Variants in SSR2 observed in about 807,000 individuals in gnomAD.
SSR2 encodes the protein signal sequence receptor subunit 2.
Under a neutral mutation model 22.6 loss-of-function variants are expected in SSR2, and 16 were observed. That is an observed-to-expected ratio of 0.71 (90% confidence interval 0.48 to 1.08). The LOEUF (loss-of-function observed/expected upper bound fraction) is 1.08. Ranked by LOEUF, SSR2 falls within the 50% of genes least tolerant of loss-of-function variation. The pLI, the probability that SSR2 is intolerant of heterozygous loss-of-function variation, is 0.00. For missense variants in SSR2, 171 were observed against 221.6 expected (o/e 0.77, Z 1.45); for synonymous variants, 83 against 91.2 (o/e 0.91, Z 0.51).
chr1:156,016,639 A>T (rs1022282101), intron 3 of SSR2, among the ~76,000 whole-genome samples: 11 of 152,228 alleles, frequency 7.2e-5, no homozygotes, highest in African/African-American at 2.6e-4. Context: ...ATTTACCCTC[A>T]CCAATAAACC....
Position 156,011,905 on chromosome 1 carries a change from AC to A in SSR2, c.364-19del. 6.2e-7 allele frequency: 1 copy of A among 1,607,638 alleles called. No individual in the cohort carries two copies. Among genetic ancestry groups the A allele is most frequent in the Middle Eastern group, 1.7e-4 (1 of 6,056 alleles). ...GAGCCAATCTGAAAAGAAGAAAAGA[AC>A]GACATTAAGGGAAGTCCACCTCATG... On this transcript the variant is annotated intron_variant, in intron 4 of 5. Transcript: ENST00000295702.
chr1:156,014,504 T>G (rs1437505715), intron 4 of SSR2: 1 of 154,072 alleles, frequency 6.5e-6, no homozygotes, highest in Admixed American at 6.4e-5. Context: ...ATAGTCACCC[T>G]ACTAAACTAT....
rs767319692 is a variant in SSR2 at position 156,015,072 on chromosome 1, G to A, written c.255-3C>T. 2 of 1,612,054 alleles carry A rather than the reference G, an allele frequency of 1.2e-6. No homozygotes were observed. The highest frequency in any genetic ancestry group is 2.2e-5 in the East Asian group (1 of 44,856). On this transcript the variant is annotated splice_region_variant and splice_polypyrimidine_tract_variant and intron_variant, in intron 3 of 5. Coordinates refer to ENST00000295702, the MANE Select transcript of SSR2 (RefSeq NM_003145.4). ...CAGTGTGGGAGACATTGCTAGCACT[G>A]GCTCAAGAGTTAAGGAACGGAAAGA...
intron 1 of SSR2, chr1:156,020,679 T>C (rs1683136966): frequency 6.3e-6 from 2 of 316,024 alleles, no homozygotes; most frequent in South Asian, 2.2e-5. Flanking sequence ...TCCTCGCCTG[T>C]CACATCCCTT....
intron 3 of SSR2, among the ~76,000 whole-genome samples, chr1:156,017,602 C>T (rs2102724588): frequency 6.6e-6 from 1 of 152,226 alleles, no homozygotes; most frequent in East Asian, 1.9e-4. Context: ...CCCACCTTGG[C>T]CTCCCAAAGT....
intron 4 of SSR2, 77 bp from the exon 5 acceptor site, chr1:156,011,964 G>A (rs1425398023): frequency 8.8e-7 from 1 of 1,136,486 alleles, no homozygotes; most frequent in Non-Finnish European, 1.3e-6. Context: ...AGAAAGGGCA[G>A]TCCCAACCAA....
intron 2 of SSR2, among the ~76,000 whole-genome samples, chr1:156,018,886 T>C (rs1245156102): frequency 6.6e-6 from 1 of 150,698 alleles, no homozygotes; most frequent in African/African-American, 2.4e-5. Flanking sequence ...AATACAAAAA[T>C]TAGCCAGGCA....
chr1:156,015,107 A>G, intron 3 of SSR2, 38 bp from the exon 4 acceptor site: 1 of 1,540,430 alleles, frequency 6.5e-7, no homozygotes, highest in Non-Finnish European at 9.0e-7. Flanking sequence ...AGATGAAGCT[A>G]AAGTTGTAGC....
chr1:156,015,089 A>G lies in SSR2; in HGVS notation c.255-20T>C. The G allele has an allele frequency of 6.3e-7, 1 of 1,594,042 alleles. No homozygotes were observed. Among genetic ancestry groups the G allele is most frequent in the Non-Finnish European group, 8.6e-7 (1 of 1,162,844 alleles). ...CTAGCACTGGCTCAAGAGTTAAGGA[A>G]CGGAAAGAGATGAAGCTAAAGTTGT... On this transcript the variant is annotated intron_variant, in intron 3 of 5. Coordinates refer to ENST00000295702, the MANE Select transcript of SSR2 (RefSeq NM_003145.4).
intron 3 of SSR2, among the ~76,000 whole-genome samples, chr1:156,017,200 C>G (rs540776381): frequency 2.2e-4 from 33 of 152,286 alleles, no homozygotes; most frequent in African/African-American, 7.9e-4. Flanking sequence ...GCATGTGCCA[C>G]CGCACCTGGC....
rs1170864039 is a variant in SSR2, at chr1:156,020,915, G to A, written c.-28C>T. 1 of 471,192 alleles carries A rather than the reference G, an allele frequency of 2.1e-6. No homozygotes were observed. Among genetic ancestry groups the A allele is most frequent in the Admixed American group, 2.3e-5 (1 of 42,556 alleles). The allele number at this position is 471,192 out of a possible 1,614,324, so 29.2% of individuals were successfully genotyped here. On this transcript the variant is annotated 5_prime_UTR_variant, in exon 1 of 6. Transcript: ENST00000295702. ...TTGGCATCCCAAACGCCTTTCCGGA[G>A]CCACAAAGACAGGAAGAGAGCGTCA...
intron 4 of SSR2, chr1:156,013,818 G>GA (rs1254572247): frequency 6.5e-6 from 1 of 152,794 alleles, no homozygotes; most frequent in African/African-American, 2.4e-5. Flanking sequence ...AGACTGGGAA[G>GA]AATCTGACAG....
At chr1:156,009,884 C>A (rs939800484) in intron 5 of SSR2, among the ~76,000 whole-genome samples, 10 of 152,188 alleles carry the variant, frequency 6.6e-5, no homozygotes, top group Admixed American at 5.2e-4. Flanking sequence ...AATGATTTTC[C>A]TGCCTCAGCC....
intron 1 of SSR2, 78 bp from the exon 2 acceptor site, chr1:156,020,245 A>G (rs1683127974): frequency 2.0e-6 from 3 of 1,518,386 alleles, no homozygotes; most frequent in East Asian, 4.6e-5. Flanking sequence ...GCGCTCCCGT[A>G]GAAAGCTCCT....
At chr1:156,016,999 A>G (rs1445079072) in intron 3 of SSR2, among the ~76,000 whole-genome samples, 12 of 152,216 alleles carry the variant, frequency 7.9e-5, no homozygotes, top group Non-Finnish European at 1.8e-4. Context: ...AAAATTACCC[A>G]GTCTCAGCTT....
At chr1:156,017,915 A>G (rs1435693408) in intron 3 of SSR2, among the ~76,000 whole-genome samples, 1 of 150,064 alleles carries the variant, frequency 6.7e-6, no homozygotes, top group African/African-American at 2.5e-5. Context: ...ATGCCCAGCT[A>G]ATTTTTGTAT....
Position 156,009,250 on chromosome 1 carries a change from G to T in SSR2, c.*290C>A. 1 of 319,952 alleles carries T rather than the reference G, an allele frequency of 3.1e-6. No individual in the cohort carries two copies. Among genetic ancestry groups the T allele is most frequent in the Non-Finnish European group, 5.8e-6 (1 of 173,912 alleles). 19.8% of individuals were successfully genotyped at this position (319,952 alleles called of 1,614,324 possible). ...ACCCCTGAGAGAATTCACGTTGCCA[G>T]CAATAAACCAACAGCACCTCAGTGG... On this transcript the variant is annotated 3_prime_UTR_variant, in exon 6 of 6. Coordinates refer to ENST00000295702, the MANE Select transcript of SSR2 (RefSeq NM_003145.4).
intron 2 of SSR2, chr1:156,019,263 A>G (rs1683110011): frequency 2.2e-6 from 1 of 453,770 alleles, no homozygotes; most frequent in Non-Finnish European, 4.4e-6. Flanking sequence ...CTTCATGTAC[A>G]TGCCTATGTG....
chr1:156,016,700 C>G (rs1683063127), intron 3 of SSR2, among the ~76,000 whole-genome samples: 1 of 152,148 alleles, frequency 6.6e-6, no homozygotes, highest in Non-Finnish European at 1.5e-5. Flanking sequence ...TGTCCCTGCC[C>G]AAATCTCATG....
Sources: gnomAD v4.1 joint callset for allele counts (sites outside exome capture counted in the v4.1 genomes callset) on GRCh38, gnomAD v4.1.1 for gene constraint, MANE v1.5 for transcripts, NCBI Gene and HGNC (gene_info 2026-07-23, HGNC 2026-07-21) for gene names.